Variants in PEBP4 observed in about 807,000 individuals in gnomAD.
PEBP4 encodes the protein phosphatidylethanolamine-binding protein 4.
PEBP4 carries 22 observed loss-of-function variants against 23.9 expected under a neutral mutation model. The ratio of observed to expected loss-of-function variants is 0.92; its 90% CI spans 0.66 to 1.31. The LOEUF is 1.31. PEBP4 is among the 40% of genes most tolerant of loss of function. The pLI is 0.00. For synonymous variants in PEBP4, 112 were observed against 99.3 expected, an observed-to-expected ratio of 1.13 and a Z score of -0.76; for missense variants, 324 against 281.7, an observed-to-expected ratio of 1.15 and a Z score of -1.07.
chr8:22,795,163 A>ATTTTTTTTTTTT (rs33911395), intron 4 of PEBP4, among the ~76,000 whole-genome samples: 5 of 47,344 alleles, frequency 1.1e-4, no homozygotes, highest in East Asian at 1.1e-3. Context: ...ATATATATAT[A>ATTTTTTTTTTTT]TTTTTTTTTT....
At chr8:22,815,321 C>T (rs138961649) in intron 4 of PEBP4, among the ~76,000 whole-genome samples, 14 of 152,306 alleles carry the variant, frequency 9.2e-5, no homozygotes, top group African/African-American at 3.1e-4. Context: ...CCAGACCGAC[C>T]GAGGTGGAAG....
At chr8:22,720,683 G>C (rs1309512210) in intron 6 of PEBP4, among the ~76,000 whole-genome samples, 1 of 152,218 alleles carries the variant, frequency 6.6e-6, no homozygotes, top group African/African-American at 2.4e-5. Context: ...TGGCCGGCCA[G>C]CCCTTGTCAG....
chr8:22,823,176 C>T lies in PEBP4; in HGVS notation c.259-5441G>A, dbSNP rs964452715. ...GTTTTCAATATATGTATATTTACTA[C>T]ATGATAGTTATAATTTAAAATGTTA... is the stretch of plus-strand genomic sequence containing the variant. On this transcript the variant is annotated intron_variant, in intron 3 of 6. Coordinates refer to ENST00000256404, the MANE Select transcript of PEBP4 (RefSeq NM_144962.3). Among the ~76,000 whole-genome samples the T allele has an allele frequency of 3.3e-5, 5 of 151,766 alleles. No individual in the cohort carries two copies. In the East Asian group the frequency reaches 9.6e-4, roughly 29 times the overall value.
upstream of PEBP4, among the ~76,000 whole-genome samples, chr8:22,929,393 G>A (rs922894741): frequency 1.3e-5 from 2 of 152,224 alleles, no homozygotes; most frequent in African/African-American, 2.4e-5. Context: ...CACTAGAGAA[G>A]TCTCAACTTT....
At chr8:22,720,218 A>C (rs1285472757) in intron 6 of PEBP4, among the ~76,000 whole-genome samples, 1 of 152,218 alleles carries the variant, frequency 6.6e-6, no homozygotes, top group African/African-American at 2.4e-5. Context: ...ATGTCTGGGG[A>C]GGCACAACAA....
At chr8:22,933,757 A>G (rs1021645617) in intron 1 of PEBP4, among the ~76,000 whole-genome samples, 2 of 152,372 alleles carry the variant, frequency 1.3e-5, no homozygotes, top group South Asian at 4.1e-4. Flanking sequence ...TGAGGTAAAC[A>G]CACAGCAAAT....
intron 4 of PEBP4, among the ~76,000 whole-genome samples, chr8:22,785,077 C>T (rs1312159783): frequency 6.6e-6 from 1 of 152,228 alleles, no homozygotes; most frequent in African/African-American, 2.4e-5. Context: ...GCCGCCCACT[C>T]TGTCCCCACT....
rs1165242168 is a variant in PEBP4 at position 22,913,985 on chromosome 8, CTT to C, written c.258+6197_258+6198del. Among the ~76,000 whole-genome samples the C allele has an allele frequency of 7.9e-3, 978 of 123,074 alleles. 9 individuals carry two copies. Among genetic ancestry groups the C allele is most frequent in the African/African-American group, 0.028 (885 of 31,912 alleles). The allele number at this position is 123,074 out of a possible 152,430, so 80.7% of individuals were successfully genotyped here. Reference sequence around the variant, plus strand: ...AGGTGTGAACTACCAGGCCTGGCTACTTTTTTTTTTTTTTTTTTTTGAGACAG... The same window carrying C: ...AGGTGTGAACTACCAGGCCTGGCTACTTTTTTTTTTTTTTTTTTGAGACAG... On this transcript the variant is annotated intron_variant, in intron 3 of 6. Coordinates refer to ENST00000256404, the MANE Select transcript of PEBP4 (RefSeq NM_144962.3).
At chr8:22,766,367 G>A (rs1027682778) in intron 4 of PEBP4, among the ~76,000 whole-genome samples, 1 of 152,236 alleles carries the variant, frequency 6.6e-6, no homozygotes, top group East Asian at 1.9e-4. Context: ...CTGACCTCAC[G>A]GAGCTGGCAG....
chr8:22,904,354 C>T (rs571821395), intron 3 of PEBP4, among the ~76,000 whole-genome samples: 6 of 152,300 alleles, frequency 3.9e-5, no homozygotes, highest in East Asian at 3.9e-4. Flanking sequence ...CCTGTGCCCA[C>T]GCCTGGATGA....
At chr8:22,769,302 T>C (rs1320681371) in intron 4 of PEBP4, among the ~76,000 whole-genome samples, 2 of 152,224 alleles carry the variant, frequency 1.3e-5, no homozygotes, top group Non-Finnish European at 2.9e-5. Context: ...GCCAGGAGGC[T>C]ACCTGAGACT....
At chr8:22,812,796 GGCTCT>G (rs1806658486) in intron 4 of PEBP4, among the ~76,000 whole-genome samples, 1 of 152,150 alleles carries the variant, frequency 6.6e-6, no homozygotes, top group Non-Finnish European at 1.5e-5. Flanking sequence ...AATTTCTACA[GGCTCT>G]GCTGCTCCAT....
chr8:22,765,738 G>A lies in PEBP4; in HGVS notation c.358-38518C>T, dbSNP rs144039697. 9.6e-4 allele frequency among the ~76,000 whole-genome samples: 147 copies of A among 152,368 alleles called. 1 individual carries two copies. The highest frequency in any genetic ancestry group is 3.3e-3 in the African/African-American group (136 of 41,594). ...GCACCTAAACAGATATTCGCTCCAC[G>A]CTGCGGGTGGGCTCTCTCCACAGAG... On this transcript the variant is annotated intron_variant, in intron 4 of 6. Transcript: ENST00000256404.
At chr8:22,911,862 G>A (rs7010513) in intron 3 of PEBP4, among the ~76,000 whole-genome samples, 8 of 151,974 alleles carry the variant, frequency 5.3e-5, no homozygotes, top group Non-Finnish European at 1.0e-4. Context: ...GTAGATCAGC[G>A]CACACAGTTT....
chr8:22,749,779 C>G (rs996493714), intron 4 of PEBP4, among the ~76,000 whole-genome samples: 2 of 134,826 alleles, frequency 1.5e-5, no homozygotes, highest in Non-Finnish European at 3.2e-5. Context: ...CTACAACCCA[C>G]CTCTCCTGAT....
At chr8:22,716,634 T>C (rs1421509075) in intron 6 of PEBP4, among the ~76,000 whole-genome samples, 1 of 152,234 alleles carries the variant, frequency 6.6e-6, no homozygotes, top group African/African-American at 2.4e-5. Context: ...GGCTTTCCAC[T>C]GTTTGGGAGT....
chr8:22,863,245 GCTGCTGAATGCAGGGGAGTCCCT>G (rs1050952911), intron 3 of PEBP4, among the ~76,000 whole-genome samples: 2 of 152,150 alleles, frequency 1.3e-5, no homozygotes, highest in African/African-American at 2.4e-5. Context: ...AGTAGACAAA[GCTGCTGAATGCAGGGGAGTCCCT>G]CATGCTCCCT....
chr8:22,908,393 CAAAA>C (rs11356446), intron 3 of PEBP4, among the ~76,000 whole-genome samples: 79 of 141,870 alleles, frequency 5.6e-4, no homozygotes, highest in African/African-American at 1.8e-3. Flanking sequence ...AACAAACAAA[CAAAA>C]AAAAAAACCT....
At chr8:22,860,378 G>A (rs1262591029) in intron 3 of PEBP4, among the ~76,000 whole-genome samples, 35 of 151,674 alleles carry the variant, frequency 2.3e-4, no homozygotes, top group African/African-American at 1.2e-4. Flanking sequence ...CTCATTAAAC[G>A]ACTCCCTCTT....
Sources: allele counts gnomAD v4.1 joint callset (sites outside exome capture counted in the v4.1 genomes callset), GRCh38; gene constraint gnomAD v4.1.1; transcripts MANE v1.5; gene names NCBI Gene and HGNC (gene_info 2026-07-23, HGNC 2026-07-21).